KIDINS220: variants seen among roughly 807,000 people sequenced by gnomAD.
KIDINS220 encodes the protein kinase D-interacting substrate of 220 kDa.
Under a neutral mutation model 157.6 loss-of-function variants are expected in KIDINS220, and 63 were observed. That is an observed-to-expected ratio of 0.40 (90% confidence interval 0.33 to 0.49). The LOEUF (loss-of-function observed/expected upper bound fraction) is 0.49, where lower values mean the gene tolerates loss of function less well. Ranked by LOEUF, KIDINS220 falls within the 20% of genes least tolerant of loss-of-function variation. The probability of loss-of-function intolerance (pLI) is 0.66; values close to 1 mark genes in which losing one functional copy is unlikely to be tolerated. For synonymous variants in KIDINS220, 732 were observed against 783.6 expected (o/e 0.93, Z 1.10); for missense variants, 1,772 against 2,171.2 (o/e 0.82, Z 3.65).
intron 22 of KIDINS220, among the ~76,000 whole-genome samples, chr2:8,758,271 A>G (rs1668295484): frequency 6.6e-6 from 1 of 152,162 alleles, no homozygotes; most frequent in Non-Finnish European, 1.5e-5. Context: ...TTTCCTGTCT[A>G]TGTAATCCCC....
At chr2:8,740,316 C>T (rs1030445275) in intron 26 of KIDINS220, 6 of 237,500 alleles carry the variant, frequency 2.5e-5, no homozygotes, top group Non-Finnish European at 3.4e-5. Context: ...GAACGGACCA[C>T]GGACAACAGC....
At chr2:8,734,214 G>A (rs1339043047) in intron 28 of KIDINS220, among the ~76,000 whole-genome samples, 1 of 152,120 alleles carries the variant, frequency 6.6e-6, no homozygotes, top group African/African-American at 2.4e-5. Flanking sequence ...GACATCACCT[G>A]GGGGTGGGGG....
intron 17 of KIDINS220, among the ~76,000 whole-genome samples, chr2:8,780,035 G>A (rs923476107): frequency 1.3e-5 from 2 of 152,172 alleles, no homozygotes; most frequent in Admixed American, 1.3e-4. Flanking sequence ...GACACTGTGG[G>A]ATAGACACTA....
intron 22 of KIDINS220, among the ~76,000 whole-genome samples, chr2:8,763,983 G>A (rs1316746198): frequency 6.6e-6 from 1 of 152,212 alleles, no homozygotes; most frequent in Non-Finnish European, 1.5e-5. Flanking sequence ...CAAAGATGTG[G>A]AACCAACCTA....
chr2:8,734,239 T>C (rs1227784979), intron 28 of KIDINS220, among the ~76,000 whole-genome samples: 1 of 152,134 alleles, frequency 6.6e-6, no homozygotes, highest in Non-Finnish European at 1.5e-5. Flanking sequence ...AGTGAGGCGT[T>C]TGATCAAATA....
intron 15 of KIDINS220, among the ~76,000 whole-genome samples, chr2:8,788,308 G>A (rs1410094930): frequency 1.3e-5 from 2 of 149,270 alleles, no homozygotes; most frequent in Admixed American, 6.7e-5. Flanking sequence ...CGTTCTTGTC[G>A]CCCAGGCTGG....
intron 24 of KIDINS220, among the ~76,000 whole-genome samples, chr2:8,748,768 C>T (rs207461512): frequency 6.6e-6 from 1 of 152,060 alleles, no homozygotes; most frequent in Non-Finnish European, 1.5e-5. Context: ...CAAATAACTA[C>T]AGCAAAAAGT....
intron 23 of KIDINS220, 34 bp downstream of exon 23, chr2:8,751,432 T>C: frequency 1.3e-6 from 2 of 1,531,334 alleles, no homozygotes; most frequent in South Asian, 1.2e-5. Flanking sequence ...CTTAGAACTT[T>C]AGATGAAAAA....
At chr2:8,770,296 C>T (rs1430463558) in intron 22 of KIDINS220, among the ~76,000 whole-genome samples, 2 of 152,080 alleles carry the variant, frequency 1.3e-5, no homozygotes, top group Non-Finnish European at 2.9e-5. Flanking sequence ...GTCCTAGCTA[C>T]TTGGGAGGCT....
At chr2:8,784,421 G>A (rs1373266688) in intron 17 of KIDINS220, among the ~76,000 whole-genome samples, 1 of 152,144 alleles carries the variant, frequency 6.6e-6, no homozygotes, top group Non-Finnish European at 1.5e-5. Flanking sequence ...TAGTAAGCTA[G>A]ACTTCATCAA....
In KIDINS220 at chr2:8,736,958, T is replaced by C; in HGVS notation, c.3627A>G (p.Ser1209=). 4 of 1,614,168 alleles carry C rather than the reference T, an allele frequency of 2.5e-6. No individual in the cohort carries two copies. The highest frequency in any genetic ancestry group is 3.4e-6 in the Non-Finnish European group (4 of 1,180,020). The change falls in exon 27 of 30, where the codon TCA becomes TCG. Residue 1209 remains serine, a synonymous_variant. Transcript: ENST00000256707. ...TCTCACATACTGCATCCACATTCAG[T>C]GAATTCAGTAATACCACTGGGCCTG... The part of the protein sequence containing the change: ...PAPGPVVLLN[S]LNVDAVCEKL...
In KIDINS220 at chr2:8,731,074, G is replaced by A. The variant is rs369561699; in HGVS notation, c.4962C>T (p.Ser1654=). ...GGCTGCTGGCTATCAAGCTGCATTC[G>A]GAAGGGCTTTTCTTGTCTTCTGAAC... ...SICSEDKKSP[S]ECSLIASSPE... is the part of the protein sequence containing the mutation. Residue 1654 remains serine (S), a synonymous_variant, in exon 30 of 30, where the codon TCC becomes TCT. Coordinates refer to ENST00000256707, the MANE Select transcript of KIDINS220 (RefSeq NM_020738.4). This position sits in a 1 kb window ranked among gnomAD's most constrained non-coding sequence, Gnocchi z 5.2. 4.5e-5 allele frequency: 72 copies of A among 1,614,072 alleles called. No individual in the cohort carries two copies. Among genetic ancestry groups the A allele is most frequent in the Non-Finnish European group, 5.6e-5 (66 of 1,180,050 alleles).
chr2:8,785,593 G>A, intron 17 of KIDINS220, 148 bp downstream of exon 17: 1 of 752,464 alleles, frequency 1.3e-6, no homozygotes, highest in East Asian at 2.7e-5. Context: ...TTATAGTCTT[G>A]AATGAACGAA....
At chr2:8,753,479 G>A (rs1264750838) in intron 22 of KIDINS220, among the ~76,000 whole-genome samples, 1 of 152,118 alleles carries the variant, frequency 6.6e-6, no homozygotes, top group East Asian at 1.9e-4. Flanking sequence ...CTTGATTGTG[G>A]TAATGACTTT....
intron 1 of KIDINS220, among the ~76,000 whole-genome samples, chr2:8,833,546 C>G (rs186226411): frequency 5.5e-5 from 8 of 144,200 alleles, no homozygotes; most frequent in Admixed American, 3.6e-4. Flanking sequence ...ATAGCTGTCT[C>G]TCCCACTAGG....
At chr2:8,735,186 G>A (rs549732566) in intron 27 of KIDINS220, among the ~76,000 whole-genome samples, 17 of 152,256 alleles carry the variant, frequency 1.1e-4, no homozygotes, top group Non-Finnish European at 2.2e-4. Flanking sequence ...TTGTTTATCC[G>A]TTATATTAGA....
intron 1 of KIDINS220, among the ~76,000 whole-genome samples, chr2:8,830,544 G>C (rs1366927004): frequency 6.6e-6 from 1 of 152,130 alleles, no homozygotes; most frequent in Non-Finnish European, 1.5e-5. Context: ...TCAGCCTCCT[G>C]AGTAGTTGGG....
At position 8,837,466 on chromosome 2, in the gene KIDINS220, G is replaced by C. The variant is rs1362390896; in HGVS notation, c.-37+14C>G. On this transcript the variant is annotated intron_variant, in intron 1 of 29. Coordinates refer to ENST00000256707, the MANE Select transcript of KIDINS220 (RefSeq NM_020738.4). The stretch of plus-strand genomic sequence containing the variant: ...AGCTTCGCGGACCGGCCTCCACACT[G>C]ACGGTCTCCCAACCTGGTCCTCAGC... 6.6e-6 allele frequency: 1 copy of C among 152,348 alleles called. No individual in the cohort carries two copies. The highest frequency in any genetic ancestry group is 2.4e-5 in the African/African-American group (1 of 41,466). 9.4% of individuals were successfully genotyped at this position (152,348 alleles called of 1,614,324 possible). A position where few individuals can be genotyped will look rare whatever the true frequency, so the allele number is the denominator to read the frequency against.
Position 8,833,479 on chromosome 2 carries a change from C to CTT in KIDINS220, c.-37+3999_-37+4000dup, listed in dbSNP as rs34083774. 1.0e-3 allele frequency among the ~76,000 whole-genome samples: 135 copies of CTT among 129,074 alleles called. 3 individuals carry two copies. The highest frequency in any genetic ancestry group is 9.6e-4 in the Non-Finnish European group (59 of 61,584). 84.7% of individuals were successfully genotyped at this position (129,074 alleles called of 152,430 possible). On this transcript the variant is annotated intron_variant, in intron 1 of 29. Coordinates refer to ENST00000256707, the MANE Select transcript of KIDINS220 (RefSeq NM_020738.4). ...ACATATTTATGTTTTTTAAATTTGT[C>CTT]TTTTTTTTTTTTTTTTTTAGCTACA...
Sources: allele counts gnomAD v4.1 joint callset (sites outside exome capture counted in the v4.1 genomes callset), GRCh38; gene constraint gnomAD v4.1.1; non-coding constraint Gnocchi (gnomAD v3.1); transcripts MANE v1.5; gene names NCBI Gene and HGNC (gene_info 2026-07-23, HGNC 2026-07-21).